The following NPAS3 variants were observed in gnomAD, a reference collection of about 807,000 sequenced individuals.
The protein encoded by NPAS3 is neuronal PAS domain-containing protein 3.
In NPAS3, 14 loss-of-function variants were observed where a neutral mutation model predicts 73.1. The ratio of observed to expected loss-of-function variants is 0.19; its 90% CI spans 0.13 to 0.30. The LOEUF is 0.30. Ranked by LOEUF, NPAS3 falls within the 10% of genes least tolerant of loss-of-function variation. The pLI is 1.00. For synonymous variants in NPAS3, 620 were observed against 541.5 expected, an observed-to-expected ratio of 1.14 and a Z score of -2.01; for missense variants, 1,096 against 1,250.0, an observed-to-expected ratio of 0.88 and a Z score of 1.86.
At chr14:33,328,168 C>T (rs114886550) in intron 3 of NPAS3, among the ~76,000 whole-genome samples, 89 of 152,048 alleles carry the variant, frequency 5.9e-4, no homozygotes, top group African/African-American at 2.0e-3. Context: ...GTTGAGATAT[C>T]ATTTTATGTT....
chr14:33,416,431 G>A (rs1033822727), intron 4 of NPAS3, among the ~76,000 whole-genome samples: 1 of 151,860 alleles, frequency 6.6e-6, no homozygotes, highest in African/African-American at 2.4e-5. Flanking sequence ...TTCTGGTAAG[G>A]GGTTTCTTTT....
At chr14:32,998,983 A>C (rs1165863132) in intron 1 of NPAS3, among the ~76,000 whole-genome samples, 1 of 152,170 alleles carries the variant, frequency 6.6e-6, no homozygotes, top group African/African-American at 2.4e-5. Context: ...TGTGTGCTTC[A>C]TCAGGGCTGG....
intron 4 of NPAS3, among the ~76,000 whole-genome samples, chr14:33,408,666 G>T (rs935457833): frequency 2.0e-5 from 3 of 152,164 alleles, no homozygotes. Flanking sequence ...AGCAGCACAT[G>T]TGGGGTGCCA....
intron 6 of NPAS3, among the ~76,000 whole-genome samples, chr14:33,732,056 C>T (rs750404785): frequency 1.2e-4 from 18 of 152,174 alleles, no homozygotes; most frequent in Non-Finnish European, 2.1e-4. Context: ...CAATTATGAG[C>T]TGCCTCAAAA....
chr14:33,674,299 T>C (rs1468468394), intron 5 of NPAS3, among the ~76,000 whole-genome samples: 1 of 152,214 alleles, frequency 6.6e-6, no homozygotes, highest in Non-Finnish European at 1.5e-5. Flanking sequence ...AAAATGCACA[T>C]TGAAGTATTA....
chr14:33,766,352 A>T (rs1215903378), intron 7 of NPAS3, among the ~76,000 whole-genome samples: 1 of 152,128 alleles, frequency 6.6e-6, no homozygotes, highest in Admixed American at 6.5e-5. Flanking sequence ...GCATCAAACT[A>T]TATGCTCCAA....
At chr14:33,505,417 T>C (rs1050389027) in intron 4 of NPAS3, among the ~76,000 whole-genome samples, 8 of 151,994 alleles carry the variant, frequency 5.3e-5, no homozygotes, top group African/African-American at 1.9e-4. Flanking sequence ...GACATGTTCC[T>C]TCGAAAGTTT....
At chr14:33,290,201 G>C (rs2042045118) in intron 3 of NPAS3, among the ~76,000 whole-genome samples, 1 of 152,176 alleles carries the variant, frequency 6.6e-6, no homozygotes, top group Non-Finnish European at 1.5e-5. Context: ...GAAGGTTTAT[G>C]TAATATTCAC....
At chr14:33,599,379 C>T (rs981841617) in intron 5 of NPAS3, among the ~76,000 whole-genome samples, 1 of 151,888 alleles carries the variant, frequency 6.6e-6, no homozygotes, top group African/African-American at 2.4e-5. Context: ...GTATTTTATG[C>T]CTAGTTGGAA....
intron 4 of NPAS3, among the ~76,000 whole-genome samples, chr14:33,426,283 G>C (rs2048551685): frequency 6.6e-6 from 1 of 152,138 alleles, no homozygotes; most frequent in Non-Finnish European, 1.5e-5. Context: ...GAGCAAGATT[G>C]TAACTTCTCT....
At chr14:32,960,059 G>C (rs929295922) in intron 1 of NPAS3, among the ~76,000 whole-genome samples, 1 of 147,914 alleles carries the variant, frequency 6.8e-6, no homozygotes, top group Non-Finnish European at 1.5e-5. Context: ...GTCCTTCCCA[G>C]TATGTATTAG....
intron 4 of NPAS3, among the ~76,000 whole-genome samples, chr14:33,550,640 AAAG>A (rs1375817735): frequency 7.2e-5 from 11 of 152,248 alleles, no homozygotes; most frequent in Admixed American, 3.3e-4. Context: ...CTGTGAAATG[AAAG>A]AAGGTTAGCA....
chr14:33,230,317 G>A (rs2047800226), intron 3 of NPAS3, among the ~76,000 whole-genome samples: 1 of 152,094 alleles, frequency 6.6e-6, no homozygotes, highest in African/African-American at 2.4e-5. Context: ...TCAAAACCTG[G>A]TCTGTTTTCA....
At chr14:33,182,285 A>G (rs745908178) in intron 2 of NPAS3, among the ~76,000 whole-genome samples, 1 of 152,184 alleles carries the variant, frequency 6.6e-6, no homozygotes, top group Non-Finnish European at 1.5e-5. Flanking sequence ...TGGATGTTCA[A>G]CAAACATAGT....
intron 3 of NPAS3, among the ~76,000 whole-genome samples, chr14:33,355,617 GT>G (rs2045304224): frequency 1.3e-5 from 2 of 152,108 alleles, no homozygotes. Context: ...CTTTTTTACA[GT>G]TTGTATTTCT....
At chr14:33,545,020 A>G (rs1321407712) in intron 4 of NPAS3, among the ~76,000 whole-genome samples, 1 of 151,152 alleles carries the variant, frequency 6.6e-6, no homozygotes, top group East Asian at 1.9e-4. Flanking sequence ...GTTCTGCCCA[A>G]GTGTCCCACC....
At chr14:33,216,891 G>A (rs1331870562) in intron 3 of NPAS3, among the ~76,000 whole-genome samples, 1 of 151,986 alleles carries the variant, frequency 6.6e-6, no homozygotes, top group Non-Finnish European at 1.5e-5. Flanking sequence ...GCACATTCGA[G>A]TTGTCCTTTT....
intron 4 of NPAS3, among the ~76,000 whole-genome samples, chr14:33,543,700 C>T (rs577871350): frequency 9.1e-4 from 138 of 152,240 alleles, no homozygotes; most frequent in African/African-American, 2.9e-3. Context: ...GAGAGGACAA[C>T]AATCATCTTC....
At chr14:32,952,705 C>A (rs2036530471) in intron 1 of NPAS3, among the ~76,000 whole-genome samples, 1 of 152,152 alleles carries the variant, frequency 6.6e-6, no homozygotes, top group Non-Finnish European at 1.5e-5. Flanking sequence ...ATTTTTCTGT[C>A]TAGTTAAAAG....
Sources: allele counts gnomAD v4.1 joint callset (sites outside exome capture counted in the v4.1 genomes callset), GRCh38; gene constraint gnomAD v4.1.1; transcripts MANE v1.5; gene names NCBI Gene and HGNC (gene_info 2026-07-23, HGNC 2026-07-21).